The following GPR19 variants were observed in gnomAD, a reference collection of about 807,000 sequenced individuals.
GPR19 encodes G protein-coupled receptor 19.
GPR19 carries 14 observed loss-of-function variants against 28.5 expected under a neutral mutation model. The ratio of observed to expected loss-of-function variants is 0.49; its 90% CI spans 0.32 to 0.77. GPR19 has a LOEUF of 0.77. Ranked by LOEUF, GPR19 falls within the 30% of genes least tolerant of loss-of-function variation. The probability of loss-of-function intolerance (pLI) is 0.03; values close to 1 mark genes in which losing one functional copy is unlikely to be tolerated. For missense variants in GPR19, 409 were observed against 504.1 expected (o/e 0.81, Z 1.81); for synonymous variants, 173 against 184.1 (o/e 0.94, Z 0.49).
chr12:12,661,141 T>C lies in GPR19; in HGVS notation c.*60A>G, dbSNP rs1945664865. 1 of 1,172,906 alleles carries C rather than the reference T, an allele frequency of 8.5e-7. No homozygotes were observed. The highest frequency in any genetic ancestry group is 1.2e-6 in the Non-Finnish European group (1 of 836,316). The allele number at this position is 1,172,906 out of a possible 1,614,324, so 72.7% of individuals were successfully genotyped here. On this transcript the variant is annotated 3_prime_UTR_variant, in exon 4 of 4. Coordinates refer to ENST00000651487, the MANE Select transcript of GPR19 (RefSeq NM_006143.3). This position sits in a 1 kb window ranked among gnomAD's most constrained non-coding sequence, Gnocchi z 4.2. The stretch of plus-strand genomic sequence containing the variant: ...AGTGAAAACAAATATGTAAATAGCT[T>C]CTGTTTTTATAGTTAAAGCTTTTTA...
At chr12:12,664,851 C>T (rs1566136563) in intron 3 of GPR19, among the ~76,000 whole-genome samples, 3 of 132,560 alleles carry the variant, frequency 2.3e-5, no homozygotes, top group South Asian at 5.0e-4. Context: ...ACCCGGGAGG[C>T]GAAGGTTGCA....
chr12:12,714,263 T>A, the GPR19 span, among the ~76,000 whole-genome samples: 1 of 152,204 alleles, frequency 6.6e-6, no homozygotes, highest in African/African-American at 2.4e-5. Context: ...TGCCTCATTA[T>A]AAACATCCTC....
At chr12:12,700,169 C>CTCTT, upstream of GPR19, among the ~76,000 whole-genome samples, 1 of 151,148 alleles carries the variant, frequency 6.6e-6, no homozygotes. Context: ...CTTTCTCTCT[C>CTCTT]TCTCTGTCCC....
chr12:12,710,891 G>A, the GPR19 span, among the ~76,000 whole-genome samples: 3 of 151,974 alleles, frequency 2.0e-5, no homozygotes, highest in Non-Finnish European at 4.4e-5. Context: ...TTTTCCCTGG[G>A]GATTAAGTTA....
chr12:12,664,936 A>AG lies in GPR19; in HGVS notation c.-22-2467_-22-2466insC, dbSNP rs1407237902. On this transcript the variant is annotated intron_variant, in intron 3 of 3. Coordinates refer to ENST00000651487, the MANE Select transcript of GPR19 (RefSeq NM_006143.3). ...CGCCATCTCAAAAAAAAAAAAAAAA[A>AG]AAAAAAAAAAGAAATCAGGACATAA... 6.1e-5 allele frequency among the ~76,000 whole-genome samples: 9 copies of AG among 148,166 alleles called. No individual in the cohort carries two copies. In the Admixed American group the frequency reaches 6.1e-4, roughly 10 times the overall value.
chr12:12,682,547 C>A (rs771108995), intron 3 of GPR19, among the ~76,000 whole-genome samples: 2 of 152,134 alleles, frequency 1.3e-5, no homozygotes, highest in Non-Finnish European at 2.9e-5. Context: ...GGAAAGGATA[C>A]CATCCCTCAA....
chr12:12,667,592 G>A (rs1314488450), intron 3 of GPR19, among the ~76,000 whole-genome samples: 3 of 152,010 alleles, frequency 2.0e-5, no homozygotes, highest in African/African-American at 4.8e-5. Context: ...ATGGGAGGCT[G>A]AGGCAGGAGA....
chr12:12,711,919 C>A, the GPR19 span, among the ~76,000 whole-genome samples: 1 of 152,202 alleles, frequency 6.6e-6, no homozygotes, highest in African/African-American at 2.4e-5. Context: ...TGACTTAAAT[C>A]CATTGTATCT....
At chr12:12,697,964 T>C (rs2136341455), upstream of GPR19, among the ~76,000 whole-genome samples, 1 of 151,218 alleles carries the variant, frequency 6.6e-6, no homozygotes, top group African/African-American at 2.4e-5. Flanking sequence ...AAAAAAAAAA[T>C]GCAGATAAAG....
the GPR19 span, among the ~76,000 whole-genome samples, chr12:12,710,221 C>T: frequency 3.3e-4 from 50 of 152,066 alleles, no homozygotes; most frequent in Middle Eastern, 6.8e-3. Flanking sequence ...GGCCTGGTGG[C>T]GCGCACCTCT....
At chr12:12,686,763 A>T (rs1946102907) in intron 2 of GPR19, among the ~76,000 whole-genome samples, 1 of 152,206 alleles carries the variant, frequency 6.6e-6, no homozygotes, top group Non-Finnish European at 1.5e-5. Context: ...GGTCAATTTA[A>T]TGTGTTGTGA....
intron 3 of GPR19, among the ~76,000 whole-genome samples, chr12:12,680,511 A>AT (rs1395267720): frequency 2.6e-5 from 4 of 151,942 alleles, no homozygotes; most frequent in African/African-American, 9.7e-5. Flanking sequence ...TTTGCCTTTT[A>AT]TTTTTTGTTT....
intron 2 of GPR19, among the ~76,000 whole-genome samples, chr12:12,689,989 C>T (rs540711846): frequency 1.3e-5 from 2 of 152,224 alleles, no homozygotes; most frequent in South Asian, 4.1e-4. Context: ...AGTGACCATA[C>T]CCCTAGCTAA....
At chr12:12,703,446 T>C in the GPR19 span, 3 of 984,678 alleles carry the variant, frequency 3.0e-6, no homozygotes, top group Non-Finnish European at 1.2e-6. Flanking sequence ...CCTTGAAAGG[T>C]TCGCAGGTAA....
chr12:12,696,994 A>T (rs1392084165), upstream of GPR19, among the ~76,000 whole-genome samples: 11 of 152,128 alleles, frequency 7.2e-5, no homozygotes, highest in East Asian at 2.1e-3. Context: ...AGTGGCAAGC[A>T]GCCACAGTTA....
At chr12:12,670,655 C>T (rs1336607300) in intron 3 of GPR19, among the ~76,000 whole-genome samples, 4 of 152,184 alleles carry the variant, frequency 2.6e-5, no homozygotes, top group Non-Finnish European at 5.9e-5. Context: ...AGTTCTGTGT[C>T]TGGAACAAAG....
chr12:12,683,408 C>T lies in GPR19; in HGVS notation c.-23+943G>A, dbSNP rs12582310. Among the ~76,000 whole-genome samples the T allele has an allele frequency of 6.6e-5, 10 of 152,322 alleles. No homozygotes were observed. The East Asian group carries it at 1.9e-3, about 29-fold the overall frequency. ...CATCATTTGAAATAATATGAGCAGGCAAGCAGCATAGCTCAGTGGTTAAGA... is the reference window on the plus strand; with the variant it reads ...CATCATTTGAAATAATATGAGCAGGTAAGCAGCATAGCTCAGTGGTTAAGA... On this transcript the variant is annotated intron_variant, in intron 3 of 3. Coordinates refer to ENST00000651487, the MANE Select transcript of GPR19 (RefSeq NM_006143.3).
intron 3 of GPR19, chr12:12,683,955 C>CG (rs11055016): frequency 6.6e-6 from 1 of 152,246 alleles, no homozygotes; most frequent in East Asian, 1.9e-4. Context: ...CTCCCCAAGC[C>CG]CTGCCAATAA....
upstream of GPR19, among the ~76,000 whole-genome samples, chr12:12,699,085 G>A (rs1946299913): frequency 6.6e-6 from 1 of 151,954 alleles, no homozygotes; most frequent in Admixed American, 6.6e-5. Context: ...GCTCACGCCT[G>A]TAATCTCAGC....
Sources: allele counts gnomAD v4.1 joint callset (sites outside exome capture counted in the v4.1 genomes callset), GRCh38; gene constraint gnomAD v4.1.1; non-coding constraint Gnocchi (gnomAD v3.1); transcripts MANE v1.5; gene names NCBI Gene and HGNC (gene_info 2026-07-23, HGNC 2026-07-21).